The following A4GALT variants were observed in gnomAD, a reference collection of about 807,000 sequenced individuals.
The protein encoded by A4GALT is alpha 1,4-galactosyltransferase (P1PK blood group).
For synonymous variants in A4GALT, 257 were observed against 220.7 expected, an observed-to-expected ratio of 1.16 and a Z score of -1.46; for missense variants, 512 against 486.0, an observed-to-expected ratio of 1.05 and a Z score of -0.50.
chr22:42,719,961 G>T (rs1922555198), intron 1 of A4GALT, among the ~76,000 whole-genome samples: 1 of 152,212 alleles, frequency 6.6e-6, no homozygotes, highest in Non-Finnish European at 1.5e-5. Flanking sequence ...CAGAGGCTCA[G>T]CCGAGACTAT....
chr22:42,693,910 G>T lies in A4GALT; in HGVS notation c.42C>A (p.Gly14=), dbSNP rs778598915. 6.2e-7 allele frequency: 1 copy of T among 1,606,250 alleles called. No individual in the cohort carries two copies. The highest frequency in any genetic ancestry group is 1.3e-5 in the African/African-American group (1 of 74,984). ...PPDLLLRLLR[G]APRQRVCTLF... is the part of the protein sequence containing the mutation. ...GGGTGCAGACCCGCTGCCTTGGGGCGCCCCGGAGCAGCCGCAGCAGGAGGT... is the reference window on the plus strand; with the variant it reads ...GGGTGCAGACCCGCTGCCTTGGGGCTCCCCGGAGCAGCCGCAGCAGGAGGT... The change falls in exon 3 of 3, where the codon GGC becomes GGA. Residue 14 remains glycine (G), a synonymous_variant. Coordinates refer to ENST00000642412, the MANE Select transcript of A4GALT (RefSeq NM_017436.7).
rs147150086 is a variant in A4GALT, at chr22:42,693,874, G to A, written c.78C>T (p.Ile26=). 1.4e-4 allele frequency: 229 copies of A among 1,610,474 alleles called. No individual in the cohort carries two copies. The highest frequency in any genetic ancestry group is 1.8e-4 in the Non-Finnish European group (217 of 1,178,946). Residue 26 remains isoleucine, a synonymous_variant, in exon 3 of 3, where the codon ATC becomes ATT. Coordinates refer to ENST00000642412, the MANE Select transcript of A4GALT (RefSeq NM_017436.7). ...AGACGAAAAACGTGAACTTGAAGCC[G>A]ATGATGAACAGGGTGCAGACCCGCT... The part of the protein sequence containing the change: ...PRQRVCTLFI[I]GFKFTFFVSI...
Position 42,695,544 on chromosome 22 carries a change from C to G in A4GALT, c.-100G>C, listed in dbSNP as rs1204703728. ...GGGGATCCTGGCAGCCCACAGGCCT[C>G]CGGGAGACACGCCCTGGCTCAGCAG... On this transcript the variant is annotated 5_prime_UTR_variant, in exon 2 of 3. Transcript: ENST00000642412. 2 of 149,120 alleles carry G rather than the reference C, an allele frequency of 1.3e-5. No homozygotes were observed. The highest frequency in any genetic ancestry group is 5.2e-4 in the East Asian group (2 of 3,848). The allele number at this position is 149,120 out of a possible 1,614,324, so 9.2% of individuals were successfully genotyped here.
chr22:42,720,034 G>A lies in A4GALT; in HGVS notation c.-188+763C>T, dbSNP rs551606728. Among the ~76,000 whole-genome samples the A allele has an allele frequency of 4.6e-5, 7 of 152,288 alleles. No individual in the cohort carries two copies. The South Asian group carries it at 1.2e-3, about 27-fold the overall frequency. On this transcript the variant is annotated intron_variant, in intron 1 of 2. Transcript: ENST00000642412. ...AAACTGAGGGAAGGGGACTCGCCCT[G>A]GCAGTGAAACGGGATGGGCGCTGGG...
chr22:42,695,322 G>A (rs773138625), intron 2 of A4GALT, 169 bp downstream of exon 2: 20 of 152,218 alleles, frequency 1.3e-4, no homozygotes, highest in Non-Finnish European at 4.4e-5. Context: ...CAACCTGATT[G>A]CTAAGGGGAG....
chr22:42,694,036 G>T, intron 2 of A4GALT, 39 bp from the exon 3 acceptor site: 2 of 1,245,246 alleles, frequency 1.6e-6, no homozygotes, highest in Admixed American at 4.0e-5. Context: ...GAGGCCGTTG[G>T]CATTCCCGAT....
intron 1 of A4GALT, among the ~76,000 whole-genome samples, chr22:42,711,242 G>A (rs1921665815): frequency 6.6e-6 from 1 of 152,134 alleles, no homozygotes. Context: ...AAATGCAAAT[G>A]GACATACTCA....
intron 1 of A4GALT, among the ~76,000 whole-genome samples, chr22:42,698,312 A>C (rs1417726769): frequency 6.6e-6 from 1 of 151,192 alleles, no homozygotes; most frequent in Non-Finnish European, 1.5e-5. Flanking sequence ...GCTGGGTCAG[A>C]CCCCTACCAG....
intron 1 of A4GALT, among the ~76,000 whole-genome samples, chr22:42,720,319 C>A (rs923449317): frequency 1.0e-5 from 1 of 99,484 alleles, no homozygotes; most frequent in Admixed American, 9.9e-5. Flanking sequence ...GGCAGAGCCC[C>A]CTCCTGCCGG....
At chr22:42,694,204 CA>C (rs1261576944) in intron 2 of A4GALT, among the ~76,000 whole-genome samples, 4 of 152,258 alleles carry the variant, frequency 2.6e-5, no homozygotes, top group Admixed American at 2.6e-4. Flanking sequence ...GGGGTCTGAG[CA>C]GGGTCCCTTC....
chr22:42,715,044 T>TGGGGGG (rs11388126), intron 1 of A4GALT, among the ~76,000 whole-genome samples: 10 of 72,084 alleles, frequency 1.4e-4, no homozygotes, highest in Non-Finnish European at 2.6e-4. Context: ...GTATGTGGGG[T>TGGGGGG]GGGGGGGTTC....
rs1922672665 is a variant in A4GALT, at chr22:42,720,843, G to C, written c.-234C>G. ...GCGGCGGACAGCGGGGCCCCGGCGG[G>C]CGGGCGGCGCGGCGGCCGGAGGGCA... is the stretch of plus-strand genomic sequence containing the variant. On this transcript the variant is annotated 5_prime_UTR_variant, in exon 1 of 3. Transcript: ENST00000642412. 1.4e-5 allele frequency: 2 copies of C among 143,536 alleles called. No individual in the cohort carries two copies. The highest frequency in any genetic ancestry group is 4.9e-5 in the African/African-American group (2 of 40,574). 8.9% of individuals were successfully genotyped at this position (143,536 alleles called of 1,614,324 possible).
chr22:42,700,201 C>T (rs548605499), intron 1 of A4GALT, among the ~76,000 whole-genome samples: 5 of 152,300 alleles, frequency 3.3e-5, no homozygotes, highest in African/African-American at 7.2e-5. Flanking sequence ...ATGTGTTTTC[C>T]GTTGTGTCAG....
At chr22:42,710,756 T>C (rs1366540254) in intron 1 of A4GALT, among the ~76,000 whole-genome samples, 1 of 152,024 alleles carries the variant, frequency 6.6e-6, no homozygotes, top group Non-Finnish European at 1.5e-5. Flanking sequence ...GCCTTGTGGC[T>C]GACGCCTATA....
In A4GALT at chr22:42,693,229, G is replaced by C; in HGVS notation, c.723C>G (p.Tyr241Ter). 6.2e-7 allele frequency: 1 copy of C among 1,609,656 alleles called. No individual in the cohort carries two copies. The highest frequency in any genetic ancestry group is 8.5e-7 in the Non-Finnish European group (1 of 1,178,620). ...ALCMRDFVDH[Y>*]NGWIWGHQGP... The stretch of plus-strand genomic sequence containing the variant: ...CCTGGTGACCCCAGATCCAGCCGTT[G>C]TAGTGGTCCACGAAGTCCCGCATGC... The change falls in exon 3 of 3, where the codon TAC becomes TAG. Residue 241 changes from tyrosine (Y) to a stop codon, truncating the protein, a stop_gained. Transcript: ENST00000642412. LOFTEE classifies it low-confidence loss of function (END_TRUNC).
Position 42,706,077 on chromosome 22 carries a change from C to T in A4GALT, c.-187-10446G>A, listed in dbSNP as rs1489881596. On this transcript the variant is annotated intron_variant, in intron 1 of 2. Coordinates refer to ENST00000642412, the MANE Select transcript of A4GALT (RefSeq NM_017436.7). Reference sequence around the variant, plus strand: ...AAAAAAAAAAAAAAAAAAAGTTGGCCGGGTGCGGTGGCTCACGCCTGTAAT... The same window carrying T: ...AAAAAAAAAAAAAAAAAAAGTTGGCTGGGTGCGGTGGCTCACGCCTGTAAT... Among the ~76,000 whole-genome samples the T allele has an allele frequency of 1.9e-4, 21 of 109,006 alleles. 3 individuals carry two copies. The highest frequency in any genetic ancestry group is 4.6e-4 in the African/African-American group (15 of 32,812). 71.5% of individuals were successfully genotyped at this position (109,006 alleles called of 152,430 possible). A position where few individuals can be genotyped will look rare whatever the true frequency, so the allele number is the denominator to read the frequency against.
rs756287846 is a variant in A4GALT at position 42,693,625 on chromosome 22, G to C, written c.327C>G (p.His109Gln). Residue 109 changes from histidine (H) to glutamine (Q), a missense_variant, in exon 3 of 3, where the codon CAC becomes CAG. By Grantham distance (24) the His-to-Gln change is conservative. Transcript: ENST00000642412. ...ESAARTHPES[H>Q]VLVLMKGLPG... is the part of the protein sequence containing the mutation. ...GAAGCCCTTTCATCAGGACCAGCACGTGGGATTCGGGGTGAGTTCTGGCGG... is the reference window on the plus strand; with the variant it reads ...GAAGCCCTTTCATCAGGACCAGCACCTGGGATTCGGGGTGAGTTCTGGCGG... 1 of 1,613,742 alleles carries C rather than the reference G, an allele frequency of 6.2e-7. No individual in the cohort carries two copies. The highest frequency in any genetic ancestry group is 2.2e-5 in the East Asian group (1 of 44,862).
chr22:42,693,090 G>A lies in A4GALT; in HGVS notation c.862C>T (p.Pro288Ser), dbSNP rs757505265. Reference sequence around the variant, plus strand: ...AAGTACTTCTTCCAGTCCTGCCAGGGGATGGGGTAGAAGGCCTCAGGGGGC... The same window carrying A: ...AAGTACTTCTTCCAGTCCTGCCAGGAGATGGGGTAGAAGGCCTCAGGGGGC... ...TLPPEAFYPI[P>S]WQDWKKYFED... Residue 288 changes from proline to serine, a missense_variant, in exon 3 of 3, where the codon CCC (proline) becomes TCC (serine). By Grantham distance (74) the Pro-to-Ser change is moderately conservative (BLOSUM62 -1). Transcript: ENST00000642412. 10 of 1,613,014 alleles carry A rather than the reference G, an allele frequency of 6.2e-6. No homozygotes were observed. The highest frequency in any genetic ancestry group is 8.5e-6 in the Non-Finnish European group (10 of 1,179,716).
At chr22:42,697,703 G>A (rs1257605950) in intron 1 of A4GALT, among the ~76,000 whole-genome samples, 1 of 152,158 alleles carries the variant, frequency 6.6e-6, no homozygotes, top group Admixed American at 6.5e-5. Context: ...GGTGACCTCA[G>A]GCCCAAAGCA....
Sources: allele counts gnomAD v4.1 joint callset (sites outside exome capture counted in the v4.1 genomes callset), GRCh38; gene constraint gnomAD v4.1.1; transcripts MANE v1.5; gene names NCBI Gene and HGNC (gene_info 2026-07-23, HGNC 2026-07-21).